GNG5: variants seen among roughly 807,000 people sequenced by gnomAD.
GNG5 encodes guanine nucleotide-binding protein G(I)/G(S)/G(O) subunit gamma-5.
In GNG5, 2 loss-of-function variants were observed where a neutral mutation model predicts 6.2. The observed-to-expected ratio is 0.32, with a 90% CI of 0.13 to 1.01. GNG5 has a LOEUF of 1.01. GNG5 is among the 50% of genes least tolerant of loss of function. The pLI is 0.48. For synonymous variants in GNG5, 24 were observed against 33.0 expected (o/e 0.73, Z 0.93); for missense variants, 57 against 80.2 (o/e 0.71, Z 1.10).
At chr1:84,502,132 CTTTTTT>C (rs140132840) in intron 2 of GNG5, among the ~76,000 whole-genome samples, 162 bp from the exon 3 acceptor site, 1 of 102,086 alleles carries the variant, frequency 9.8e-6, no homozygotes, top group Non-Finnish European at 1.9e-5. Context: ...ATAGTGAGCT[CTTTTTT>C]TTTTTTTTTT....
intron 2 of GNG5, 55 bp downstream of exon 2, chr1:84,505,956 G>C (rs1199654468): frequency 1.5e-6 from 2 of 1,292,572 alleles, no homozygotes; most frequent in African/African-American, 3.1e-5. Flanking sequence ...TGGGCCGCCG[G>C]ATCCCACCCG....
rs867922589 is a variant in GNG5 at position 84,506,291 on chromosome 1, C to G, written c.-200G>C. 2.9e-5 allele frequency: 12 copies of G among 416,032 alleles called. No homozygotes were observed. Among genetic ancestry groups the G allele is most frequent in the Non-Finnish European group, 4.7e-5 (11 of 234,610 alleles). 25.8% of individuals were successfully genotyped at this position (416,032 alleles called of 1,614,324 possible). A position where few individuals can be genotyped will look rare whatever the true frequency, so the allele number is the denominator to read the frequency against. On this transcript the variant is annotated 5_prime_UTR_variant, in exon 2 of 4. Transcript: ENST00000370645. Reference sequence around the variant, plus strand: ...TCTGTTCCAGCTCCACACCCGGCCCCGAGCGCGAGCCTGGAGGAGGGGGAG... The same window carrying G: ...TCTGTTCCAGCTCCACACCCGGCCCGGAGCGCGAGCCTGGAGGAGGGGGAG...
chr1:84,499,348 T>G (rs922785884), intron 3 of GNG5, among the ~76,000 whole-genome samples: 1 of 152,326 alleles, frequency 6.6e-6, no homozygotes, highest in South Asian at 2.1e-4. Context: ...TAAGGTTTGT[T>G]AGGACTCAAG....
intron 2 of GNG5, chr1:84,503,978 T>A (rs1385077530): frequency 6.6e-6 from 1 of 152,114 alleles, no homozygotes; most frequent in Admixed American, 6.5e-5. Context: ...AGACAAAGAC[T>A]CTAAAACTGG....
chr1:84,502,539 A>G (rs1229258789), intron 2 of GNG5, among the ~76,000 whole-genome samples: 6 of 152,188 alleles, frequency 3.9e-5, no homozygotes, highest in African/African-American at 1.4e-4. Context: ...GAGTACAAAC[A>G]GTAGAATTAT....
rs370510172 is a variant in GNG5 at position 84,501,411 on chromosome 1, T to C, written c.*19+415A>G. 5.3e-5 allele frequency among the ~76,000 whole-genome samples: 8 copies of C among 152,224 alleles called. No homozygotes were observed. In the East Asian group the frequency reaches 7.7e-4, roughly 15 times the overall value. On this transcript the variant is annotated intron_variant, in intron 3 of 3. Transcript: ENST00000370645. Reference sequence around the variant, plus strand: ...AACATCAAGAGTTAATCCAAATCAGTTGGTAGTACTTTAAGTTATCCCCAT... The same window carrying C: ...AACATCAAGAGTTAATCCAAATCAGCTGGTAGTACTTTAAGTTATCCCCAT...
chr1:84,501,658 C>T (rs1570360207), intron 3 of GNG5, among the ~76,000 whole-genome samples, 168 bp downstream of exon 3: 1 of 152,126 alleles, frequency 6.6e-6, no homozygotes, highest in South Asian at 2.1e-4. Context: ...TTCATGGCTA[C>T]TAAGTCAGCA....
intron 2 of GNG5, among the ~76,000 whole-genome samples, chr1:84,502,237 G>C (rs573411241): frequency 6.7e-6 from 1 of 149,088 alleles, no homozygotes; most frequent in Non-Finnish European, 1.5e-5. Context: ...CGGTTCAAGC[G>C]ATTCTCCTGC....
At chr1:84,501,142 G>A (rs910484218) in intron 3 of GNG5, among the ~76,000 whole-genome samples, 18 of 152,016 alleles carry the variant, frequency 1.2e-4, no homozygotes, top group Admixed American at 9.2e-4. Flanking sequence ...AAGCCAACAG[G>A]GTCTTTAGTT....
intron 3 of GNG5, among the ~76,000 whole-genome samples, chr1:84,501,489 A>AT (rs1416095016): frequency 6.8e-6 from 1 of 147,424 alleles, no homozygotes; most frequent in Non-Finnish European, 1.5e-5. Flanking sequence ...GTACACAAAA[A>AT]CAAAACTAGT....
rs1682224954 is a variant in GNG5, at chr1:84,506,263, C to G, written c.-172G>C. The G allele has an allele frequency of 2.3e-5, 11 of 476,024 alleles. 1 individual carries two copies. The East Asian group carries it at 3.0e-4, about 13-fold the overall frequency. 29.5% of individuals were successfully genotyped at this position (476,024 alleles called of 1,614,324 possible). A position where few individuals can be genotyped will look rare whatever the true frequency, so the allele number is the denominator to read the frequency against. On this transcript the variant is annotated 5_prime_UTR_variant, in exon 2 of 4. Transcript: ENST00000370645. ...TCGGTGCGCATGCGCGCCTTGCCAG[C>G]CCTCTGTTCCAGCTCCACACCCGGC...
Position 84,502,039 on chromosome 1 carries a change from T to C in GNG5, c.82-69A>G, listed in dbSNP as rs1682067365. The C allele has an allele frequency of 2.6e-6, 3 of 1,164,066 alleles. No individual in the cohort carries two copies. The South Asian group carries it at 3.8e-5, about 15-fold the overall frequency. The allele number at this position is 1,164,066 out of a possible 1,614,324, so 72.1% of individuals were successfully genotyped here. A position where few individuals can be genotyped will look rare whatever the true frequency, so the allele number is the denominator to read the frequency against. On this transcript the variant is annotated intron_variant, in intron 2 of 3. Transcript: ENST00000370645. ...ATTTTAATGAAGGTTTTCTCAATCTTTGGAAATATTGTACTTACAATAAAA... is the reference window on the plus strand; with the variant it reads ...ATTTTAATGAAGGTTTTCTCAATCTCTGGAAATATTGTACTTACAATAAAA...
intron 2 of GNG5, among the ~76,000 whole-genome samples, chr1:84,502,202 T>C (rs943007426): frequency 6.8e-6 from 1 of 147,570 alleles, no homozygotes; most frequent in Admixed American, 6.9e-5. Context: ...AGTGGTGCGA[T>C]CTCGGCTCAC....
intron 3 of GNG5, among the ~76,000 whole-genome samples, chr1:84,499,492 T>C (rs1682009630): frequency 6.6e-6 from 1 of 152,208 alleles, no homozygotes; most frequent in Non-Finnish European, 1.5e-5. Context: ...ACTAAGTATA[T>C]ATAGATGTTC....
In GNG5 at chr1:84,501,873, C is replaced by G. The variant is rs1323397553; in HGVS notation, c.179G>C (p.Arg60Thr). ...TGVSSSTNPFRPQKVCSFL is the reference protein window; with the variant it reads ...TGVSSSTNPFTPQKVCSFL ...CAAAAAGGAACAGACTTTCTGGGGT[C>G]TGAAGGGATTTGTACTTGAAGATAC... The change falls in exon 3 of 4, where the codon AGA (arginine) becomes ACA (threonine). Residue 60 changes from arginine (R) to threonine (T), a missense_variant. By Grantham distance (71) the Arg-to-Thr change is moderately conservative. Transcript: ENST00000370645. 6.2e-7 allele frequency: 1 copy of G among 1,609,642 alleles called. No homozygotes were observed.
chr1:84,505,215 A>G (rs1682152110), intron 2 of GNG5, among the ~76,000 whole-genome samples: 1 of 152,246 alleles, frequency 6.6e-6, no homozygotes, highest in Non-Finnish European at 1.5e-5. Context: ...AAGTTATTCT[A>G]TCAACACAGA....
rs1268548217 is a variant in GNG5, at chr1:84,505,991, G to C, written c.81+20C>G. ...GCCGCCGCCGCCTTCCTCCCGCCTCGGCCGCCCGCCCCCGCTCACTTTTAC... is the reference window on the plus strand; with the variant it reads ...GCCGCCGCCGCCTTCCTCCCGCCTCCGCCGCCCGCCCCCGCTCACTTTTAC... On this transcript the variant is annotated intron_variant, in intron 2 of 3. Coordinates refer to ENST00000370645, the MANE Select transcript of GNG5 (RefSeq NM_005274.3). The C allele has an allele frequency of 4.8e-6, 7 of 1,472,098 alleles. No homozygotes were observed. The highest frequency in any genetic ancestry group is 6.3e-6 in the Non-Finnish European group (7 of 1,107,078). The allele number at this position is 1,472,098 out of a possible 1,614,324, so 91.2% of individuals were successfully genotyped here. A position where few individuals can be genotyped will look rare whatever the true frequency, so the allele number is the denominator to read the frequency against.
intron 2 of GNG5, chr1:84,503,663 A>G (rs1490374801): frequency 6.6e-6 from 1 of 152,252 alleles, no homozygotes; most frequent in African/African-American, 2.4e-5. Flanking sequence ...TTTTCTGTTT[A>G]AAGTGTAGGT....
intron 2 of GNG5, among the ~76,000 whole-genome samples, chr1:84,504,549 A>ATTTTT (rs796828827): frequency 1.3e-5 from 2 of 150,724 alleles, no homozygotes; most frequent in Admixed American, 6.6e-5. Context: ...TCCCACCCCC[A>ATTTTT]TTTTTTTTTC....
Sources: gnomAD v4.1 joint callset for allele counts (sites outside exome capture counted in the v4.1 genomes callset) on GRCh38, gnomAD v4.1.1 for gene constraint, MANE v1.5 for transcripts, NCBI Gene and HGNC (gene_info 2026-07-23, HGNC 2026-07-21) for gene names.